B4GALT6: variants seen among roughly 807,000 people sequenced by gnomAD.
B4GALT6 encodes UDP-Gal:beta-GlcNAc beta-1,4-galactosyltransferase 6.
B4GALT6 carries 14 observed loss-of-function variants against 46.3 expected under a neutral mutation model. The observed-to-expected ratio is 0.30, with a 90% CI of 0.20 to 0.47. The LOEUF is 0.47. B4GALT6 is among the 20% of genes least tolerant of loss of function. B4GALT6 has a pLI of 0.99. For missense variants in B4GALT6, 386 were observed against 480.1 expected (o/e 0.80, Z 1.83); for synonymous variants, 168 against 162.0 (o/e 1.04, Z -0.28).
At chr18:31,724,051 C>T in the B4GALT6 span, 1 of 319,236 alleles carries the variant, frequency 3.1e-6, no homozygotes, top group African/African-American at 2.2e-5. Flanking sequence ...AGGGGTGTTC[C>T]GGCCGGGCAG....
chr18:31,721,726 C>G, the B4GALT6 span, among the ~76,000 whole-genome samples: 1 of 152,198 alleles, frequency 6.6e-6, no homozygotes, highest in Non-Finnish European at 1.5e-5. Flanking sequence ...TGAGTTCCAG[C>G]CTGCTAGCCT....
chr18:31,635,483 A>C (rs2073846449), intron 5 of B4GALT6, among the ~76,000 whole-genome samples: 1 of 152,220 alleles, frequency 6.6e-6, no homozygotes, highest in African/African-American at 2.4e-5. Context: ...AGAATGATTT[A>C]TACACACAGA....
At chr18:31,647,778 T>C (rs1323921307) in intron 3 of B4GALT6, among the ~76,000 whole-genome samples, 1 of 152,104 alleles carries the variant, frequency 6.6e-6, no homozygotes, top group Non-Finnish European at 1.5e-5. Context: ...AAGGTCATGT[T>C]ATAAAAAGAG....
the B4GALT6 span, among the ~76,000 whole-genome samples, chr18:31,697,827 T>C: frequency 6.6e-6 from 1 of 152,232 alleles, no homozygotes; most frequent in Non-Finnish European, 1.5e-5. Context: ...TATTATTTAT[T>C]TGTCTTATGG....
At chr18:31,700,499 C>T in the B4GALT6 span, among the ~76,000 whole-genome samples, 2 of 151,424 alleles carry the variant, frequency 1.3e-5, no homozygotes, top group African/African-American at 2.4e-5. Flanking sequence ...CTCTGTCGCC[C>T]AGGCTGGAGT....
the B4GALT6 span, among the ~76,000 whole-genome samples, chr18:31,714,792 G>A: frequency 5.9e-5 from 9 of 152,160 alleles, no homozygotes; most frequent in Admixed American, 2.0e-4. Context: ...AGAAGACCAC[G>A]ATCATCTCCC....
intron 5 of B4GALT6, among the ~76,000 whole-genome samples, chr18:31,638,127 C>T (rs2073883762): frequency 6.6e-6 from 1 of 152,128 alleles, no homozygotes; most frequent in African/African-American, 2.4e-5. Flanking sequence ...ACGAGGCTGT[C>T]ATACTAAAGT....
At chr18:31,663,463 G>T (rs1186878719) in intron 2 of B4GALT6, among the ~76,000 whole-genome samples, 1 of 152,122 alleles carries the variant, frequency 6.6e-6, no homozygotes, top group Non-Finnish European at 1.5e-5. Flanking sequence ...GGGCTACATG[G>T]CACCATCTGA....
the B4GALT6 span, among the ~76,000 whole-genome samples, chr18:31,719,578 G>T: frequency 6.6e-6 from 1 of 152,126 alleles, no homozygotes; most frequent in Non-Finnish European, 1.5e-5. Context: ...CAAGACAGGG[G>T]GATTTCAATA....
chr18:31,623,901 G>T lies in B4GALT6; in HGVS notation c.*1713C>A, dbSNP rs2073650834. The T allele has an allele frequency of 6.6e-6, 1 of 151,958 alleles. No individual in the cohort carries two copies. The highest frequency in any genetic ancestry group is 1.5e-5 in the Non-Finnish European group (1 of 67,846). 9.4% of individuals were successfully genotyped at this position (151,958 alleles called of 1,614,324 possible). ...GTTCTGTTTTAGGTAAACAATCCTT[G>T]AGGCAAATATTATCCAAACGTTTCT... On this transcript the variant is annotated 3_prime_UTR_variant, in exon 9 of 9. Transcript: ENST00000306851.
the B4GALT6 span, among the ~76,000 whole-genome samples, chr18:31,714,899 G>A: frequency 6.6e-6 from 1 of 152,102 alleles, no homozygotes; most frequent in African/African-American, 2.4e-5. Context: ...CTCAAAAGCA[G>A]GTTGCTCATG....
upstream of B4GALT6, among the ~76,000 whole-genome samples, chr18:31,685,291 G>A (rs377292766): frequency 7.9e-6 from 1 of 125,970 alleles, no homozygotes; most frequent in Non-Finnish European, 1.9e-5. Flanking sequence ...GAGCAACCGG[G>A]CGACGCGCGC....
the B4GALT6 span, among the ~76,000 whole-genome samples, chr18:31,703,525 C>T: frequency 1.4e-4 from 21 of 152,104 alleles, no homozygotes; most frequent in African/African-American, 5.1e-4. Context: ...AAAAGAGCTA[C>T]TGTTAGATCA....
In B4GALT6 at chr18:31,640,300, C is replaced by A. The variant is rs146692858; in HGVS notation, c.472-1540G>T. Among the ~76,000 whole-genome samples, 91 of 152,064 alleles carry A rather than the reference C, an allele frequency of 6.0e-4. 1 individual carries two copies. The highest frequency in any genetic ancestry group is 2.1e-3 in the African/African-American group (86 of 41,478). ...AATTGAGAATACTTAAGTTTTGCAC[C>A]TAATCCTTTTAAAATCAGGACATGA... On this transcript the variant is annotated intron_variant, in intron 4 of 8. Coordinates refer to ENST00000306851, the MANE Select transcript of B4GALT6 (RefSeq NM_004775.5).
At chr18:31,629,007 C>G (rs1201802535) in intron 6 of B4GALT6, among the ~76,000 whole-genome samples, 2 of 152,228 alleles carry the variant, frequency 1.3e-5, no homozygotes, top group African/African-American at 2.4e-5. Flanking sequence ...TTAGCCTACT[C>G]CACGTGAGGA....
intron 6 of B4GALT6, among the ~76,000 whole-genome samples, chr18:31,629,997 G>A (rs2073761951): frequency 6.7e-6 from 1 of 149,426 alleles, no homozygotes; most frequent in African/African-American, 2.5e-5. Flanking sequence ...AAAGGAAGGA[G>A]GAGGAGAAGG....
At chr18:31,700,241 A>G in the B4GALT6 span, among the ~76,000 whole-genome samples, 14 of 152,216 alleles carry the variant, frequency 9.2e-5, no homozygotes, top group Admixed American at 7.9e-4. Context: ...AATGAAAAAA[A>G]TAGAATAGTA....
chr18:31,692,698 G>A, the B4GALT6 span, among the ~76,000 whole-genome samples: 1 of 152,158 alleles, frequency 6.6e-6, no homozygotes, highest in East Asian at 1.9e-4. Context: ...AACGCATATG[G>A]ATGAGAAAAT....
intron 3 of B4GALT6, among the ~76,000 whole-genome samples, chr18:31,654,157 T>A (rs1310973763): frequency 6.6e-6 from 1 of 152,156 alleles, no homozygotes; most frequent in Admixed American, 6.5e-5. Flanking sequence ...ACAGAATATA[T>A]AAAGGTCACT....
Sources: allele counts gnomAD v4.1 joint callset (sites outside exome capture counted in the v4.1 genomes callset), GRCh38; gene constraint gnomAD v4.1.1; transcripts MANE v1.5; gene names NCBI Gene and HGNC (gene_info 2026-07-23, HGNC 2026-07-21).